The following ASXL3 variants were observed in gnomAD, a reference collection of about 807,000 sequenced individuals.
The protein encoded by ASXL3 is ASXL transcriptional regulator 3, also known as putative Polycomb group protein ASXL3.
ASXL3 carries 34 observed loss-of-function variants against 170.6 expected under a neutral mutation model. That is an observed-to-expected ratio of 0.20 (90% CI 0.15 to 0.27). The LOEUF is 0.27. Ranked by LOEUF, ASXL3 falls within the 10% of genes least tolerant of loss-of-function variation. The pLI is 1.00. For synonymous variants in ASXL3, 1,002 were observed against 989.1 expected (o/e 1.01, Z -0.24); for missense variants, 2,592 against 2,695.3 (o/e 0.96, Z 0.85).
chr18:33,727,621 A>C (rs2067373065), intron 8 of ASXL3, among the ~76,000 whole-genome samples: 1 of 152,180 alleles, frequency 6.6e-6, no homozygotes, highest in Non-Finnish European at 1.5e-5. Context: ...ATAACTTATC[A>C]ATAGTTAGAT....
chr18:33,733,162 G>T (rs1364306696), intron 9 of ASXL3, among the ~76,000 whole-genome samples: 1 of 151,918 alleles, frequency 6.6e-6, no homozygotes, highest in African/African-American at 2.4e-5. Flanking sequence ...TATTGCCAGC[G>T]TGCCAAGAAT....
intron 9 of ASXL3, 54 bp from the exon 10 acceptor site, chr18:33,734,252 TATTA>T: frequency 8.3e-7 from 1 of 1,199,664 alleles, no homozygotes; most frequent in Non-Finnish European, 1.2e-6. Context: ...ATGTTTTCTT[TATTA>T]ATTAGCAAAA....
At chr18:33,671,968 G>A (rs149699663) in intron 7 of ASXL3, 102 bp downstream of exon 7, 19 of 1,236,338 alleles carry the variant, frequency 1.5e-5, no homozygotes, top group Middle Eastern at 2.8e-4. Flanking sequence ...ATTAAACAAG[G>A]AAATTAAAAT....
chr18:33,660,248 G>A (rs2066150220), intron 4 of ASXL3, among the ~76,000 whole-genome samples: 2 of 152,112 alleles, frequency 1.3e-5, no homozygotes, highest in African/African-American at 4.8e-5. Flanking sequence ...CAGATCACAT[G>A]TTGGAAGTGT....
intron 1 of ASXL3, among the ~76,000 whole-genome samples, chr18:33,583,193 C>T (rs1461206857): frequency 6.6e-6 from 1 of 152,014 alleles, no homozygotes; most frequent in African/African-American, 2.4e-5. Flanking sequence ...GGCGTGTGTA[C>T]TGCCTTTGAC....
chr18:33,730,161 T>C (rs1364228622), intron 8 of ASXL3, among the ~76,000 whole-genome samples: 7 of 152,076 alleles, frequency 4.6e-5, no homozygotes, highest in Non-Finnish European at 5.9e-5. Context: ...GTCAAATTGA[T>C]AGGGAGTTGC....
At chr18:33,693,080 G>T (rs900613463) in intron 8 of ASXL3, among the ~76,000 whole-genome samples, 10 of 152,092 alleles carry the variant, frequency 6.6e-5, no homozygotes, top group African/African-American at 2.4e-4. Context: ...AAATCATGTT[G>T]GGGTTAAGGC....
rs1941705 is a variant in ASXL3, at chr18:33,646,610, C to T, written c.355+257C>T. ...TCTTAAATACTTCTTTAAGTATCAA[C>T]ATATTTCTCCTGCAAAGTGAGAGGG... On this transcript the variant is annotated intron_variant, in intron 4 of 11. Coordinates refer to ENST00000269197, the MANE Select transcript of ASXL3 (RefSeq NM_030632.3). Among the ~76,000 whole-genome samples the T allele has an allele frequency of 0.86, 130,542 of 151,944 alleles. 56,586 individuals carry two copies. Among genetic ancestry groups the T allele is most frequent in the African/African-American group, 0.97 (40,057 of 41,506 alleles).
Position 33,750,878 on chromosome 18 carries a change from G to A in ASXL3, c.*4283G>A, listed in dbSNP as rs530082331. 5.9e-5 allele frequency: 9 copies of A among 152,302 alleles called. No homozygotes were observed. Among genetic ancestry groups the A allele is most frequent in the East Asian group, 1.9e-4 (1 of 5,172 alleles). The allele number at this position is 152,302 out of a possible 1,614,324, so 9.4% of individuals were successfully genotyped here. A position where few individuals can be genotyped will look rare whatever the true frequency, so the allele number is the denominator to read the frequency against. ...GGAGCAGTTGATTCAGTAAGACTGC[G>A]ACAATTTAATACTGTTACGCTTGCT... On this transcript the variant is annotated 3_prime_UTR_variant, in exon 12 of 12. Transcript: ENST00000269197.
At chr18:33,585,250 A>G (rs893299628) in intron 1 of ASXL3, among the ~76,000 whole-genome samples, 3 of 152,040 alleles carry the variant, frequency 2.0e-5, no homozygotes, top group African/African-American at 2.4e-5. Context: ...GCATCTGTAT[A>G]CAACCACTTT....
chr18:33,715,375 T>C (rs1370019755), intron 8 of ASXL3, among the ~76,000 whole-genome samples: 1 of 152,210 alleles, frequency 6.6e-6, no homozygotes, highest in Non-Finnish European at 1.5e-5. Context: ...ATCTACTATA[T>C]ATGTTAGCAT....
intron 2 of ASXL3, among the ~76,000 whole-genome samples, chr18:33,623,671 G>T (rs1487169223): frequency 6.6e-6 from 1 of 152,000 alleles, no homozygotes; most frequent in Admixed American, 6.6e-5. Context: ...GCAGTATTTT[G>T]GCATACTGGT....
At chr18:33,632,875 A>G (rs1054333649) in intron 2 of ASXL3, among the ~76,000 whole-genome samples, 7 of 152,126 alleles carry the variant, frequency 4.6e-5, no homozygotes, top group Non-Finnish European at 7.3e-5. Flanking sequence ...GGGGCTCTCT[A>G]TCATCTCCTG....
intron 1 of ASXL3, among the ~76,000 whole-genome samples, chr18:33,601,582 T>G (rs903583773): frequency 6.6e-6 from 1 of 151,770 alleles, no homozygotes; most frequent in Non-Finnish European, 1.5e-5. Flanking sequence ...GGTCTTTGTT[T>G]ATTGGAGCCT....
chr18:33,584,770 A>G (rs2065022164), intron 1 of ASXL3, among the ~76,000 whole-genome samples: 1 of 152,136 alleles, frequency 6.6e-6, no homozygotes, highest in South Asian at 2.1e-4. Flanking sequence ...TGATACACCC[A>G]ATATCATCAT....
At chr18:33,650,614 C>G in intron 4 of ASXL3, among the ~76,000 whole-genome samples, 1 of 151,998 alleles carries the variant, frequency 6.6e-6, no homozygotes, top group East Asian at 1.9e-4. Context: ...AGCACTCAGC[C>G]AATAGTGAAA....
intron 7 of ASXL3, among the ~76,000 whole-genome samples, chr18:33,681,998 A>G (rs1173290422): frequency 6.6e-6 from 1 of 152,154 alleles, no homozygotes; most frequent in Non-Finnish European, 1.5e-5. Flanking sequence ...TTCTCCTTAA[A>G]ATTTGACTGT....
chr18:33,744,225 C>T lies in ASXL3; in HGVS notation c.4377C>T (p.Gly1459=), dbSNP rs752801091. 1 of 1,613,954 alleles carries T rather than the reference C, an allele frequency of 6.2e-7. No individual in the cohort carries two copies. Among genetic ancestry groups the T allele is most frequent in the Admixed American group, 1.7e-5 (1 of 60,038 alleles). The part of the protein sequence containing the change: ...NSGKPQQPPG[G]FAPAAINRSI... ...GAAAACCTCAGCAACCACCAGGGGG[C>T]TTTGCACCAGCAGCCATAAACCGAT... The change falls in exon 12 of 12, where the codon GGC becomes GGT. Residue 1459 remains glycine (G), a synonymous_variant. Coordinates refer to ENST00000269197, the MANE Select transcript of ASXL3 (RefSeq NM_030632.3).
chr18:33,662,742 T>C (rs1206796671), intron 5 of ASXL3, among the ~76,000 whole-genome samples: 1 of 152,186 alleles, frequency 6.6e-6, no homozygotes, highest in East Asian at 1.9e-4. Flanking sequence ...CACCCATTGA[T>C]GACCTTTACC....
Sources: gnomAD v4.1 joint callset for allele counts (sites outside exome capture counted in the v4.1 genomes callset) on GRCh38, gnomAD v4.1.1 for gene constraint, MANE v1.5 for transcripts, NCBI Gene and HGNC (gene_info 2026-07-23, HGNC 2026-07-21) for gene names.